POT1: variants seen among roughly 807,000 people sequenced by gnomAD.
POT1 encodes the protein protection of telomeres protein 1.
Under a neutral mutation model 78.5 loss-of-function variants are expected in POT1, and 47 were observed. The observed-to-expected ratio is 0.60, with a 90% CI of 0.47 to 0.76. The LOEUF is 0.76. POT1 is among the 30% of genes least tolerant of loss of function. POT1 has a pLI of 0.00. For synonymous variants in POT1, 259 were observed against 260.7 expected, an observed-to-expected ratio of 0.99 and a Z score of 0.06; for missense variants, 646 against 749.9, an observed-to-expected ratio of 0.86 and a Z score of 1.62.
chr7:124,913,024 A>C (rs1482444410), intron 3 of POT1, among the ~76,000 whole-genome samples: 4 of 152,222 alleles, frequency 2.6e-5, no homozygotes, highest in Non-Finnish European at 4.4e-5. Context: ...AGAGCAAGTC[A>C]CATCTCATGT....
chr7:124,855,728 TTAGAAA>T (rs1181099215), intron 9 of POT1, among the ~76,000 whole-genome samples: 3 of 151,978 alleles, frequency 2.0e-5, no homozygotes, highest in African/African-American at 7.2e-5. Flanking sequence ...GACTATCCCT[TTAGAAA>T]TAATCAAACG....
At chr7:124,846,057 A>G (rs746534530) in intron 12 of POT1, among the ~76,000 whole-genome samples, 2 of 152,088 alleles carry the variant, frequency 1.3e-5, no homozygotes, top group Non-Finnish European at 2.9e-5. Flanking sequence ...TTATTTATAA[A>G]CCAAGATCTG....
Position 124,840,969 on chromosome 7 carries a change from T to C in POT1, c.1369+4A>G. The C allele has an allele frequency of 6.3e-7, 1 of 1,583,762 alleles. No homozygotes were observed. Among genetic ancestry groups the C allele is most frequent in the Non-Finnish European group, 8.7e-7 (1 of 1,154,742 alleles). On this transcript the variant is annotated splice_donor_region_variant and intron_variant, in intron 14 of 18. Transcript: ENST00000357628. ...CTAACAAAACAGTGACTTAAATATCTTACCTTCTATCAAAAGTAGACATTC... is the reference window on the plus strand; with the variant it reads ...CTAACAAAACAGTGACTTAAATATCCTACCTTCTATCAAAAGTAGACATTC...
At chr7:124,866,161 T>C (rs1394244146) in intron 7 of POT1, among the ~76,000 whole-genome samples, 1 of 152,144 alleles carries the variant, frequency 6.6e-6, no homozygotes, top group Non-Finnish European at 1.5e-5. Flanking sequence ...CCCATGATGT[T>C]TCCCAAAGTC....
rs148835483 is a variant in POT1, at chr7:124,920,231, C to G, written c.-226-4585G>C. Among the ~76,000 whole-genome samples the G allele has an allele frequency of 9.9e-3, 1,499 of 151,940 alleles. 64 individuals are homozygous for G. The highest frequency in any genetic ancestry group is 0.08 in the Admixed American group (1,213 of 15,246). ...TGGGCAATGGATAAATAGGCTGCAA[C>G]AAAATTCTAATCACCAAAAGAAAGA... On this transcript the variant is annotated intron_variant, in intron 2 of 18. Coordinates refer to ENST00000357628, the MANE Select transcript of POT1 (RefSeq NM_015450.3).
At position 124,928,857 on chromosome 7, in the gene POT1, T is replaced by A. The variant is rs958507436; in HGVS notation, c.-269A>T. The A allele has an allele frequency of 1.3e-5, 2 of 152,616 alleles. No individual in the cohort carries two copies. Among genetic ancestry groups the A allele is most frequent in the East Asian group, 3.9e-4 (2 of 5,186 alleles). 9.5% of individuals were successfully genotyped at this position (152,616 alleles called of 1,614,324 possible). A position where few individuals can be genotyped will look rare whatever the true frequency, so the allele number is the denominator to read the frequency against. ...TATAATTGTAACCTGGCTGTAGGGA[T>A]CCGAAATCTACTTTATGTAATTTAC... On this transcript the variant is annotated 5_prime_UTR_variant, in exon 2 of 19. Coordinates refer to ENST00000357628, the MANE Select transcript of POT1 (RefSeq NM_015450.3).
chr7:124,905,024 C>G (rs1235311450), intron 3 of POT1, among the ~76,000 whole-genome samples: 1 of 152,174 alleles, frequency 6.6e-6, no homozygotes, highest in East Asian at 1.9e-4. Context: ...ACATTCCACG[C>G]TCATGGATAG....
chr7:124,878,365 A>G (rs1178653803), intron 6 of POT1, among the ~76,000 whole-genome samples: 2 of 152,066 alleles, frequency 1.3e-5, no homozygotes, highest in African/African-American at 4.8e-5. Context: ...AAGCTCACCA[A>G]AGGATATACA....
At chr7:124,851,004 G>C (rs1795293840) in intron 11 of POT1, among the ~76,000 whole-genome samples, 1 of 151,844 alleles carries the variant, frequency 6.6e-6, no homozygotes. Flanking sequence ...GGTGGCTCAA[G>C]CCTGTAATCC....
intron 11 of POT1, among the ~76,000 whole-genome samples, chr7:124,847,423 G>A (rs1384746815): frequency 6.6e-6 from 1 of 152,206 alleles, no homozygotes; most frequent in African/African-American, 2.4e-5. Flanking sequence ...GAACCCAGGA[G>A]GTGGAGGCTG....
chr7:124,925,512 T>C (rs1242056241), intron 2 of POT1, among the ~76,000 whole-genome samples: 1 of 152,106 alleles, frequency 6.6e-6, no homozygotes, highest in Non-Finnish European at 1.5e-5. Flanking sequence ...GAAGAATTAA[T>C]ATTATTAAAA....
intron 2 of POT1, among the ~76,000 whole-genome samples, chr7:124,924,473 T>C (rs1302467176): frequency 1.3e-5 from 2 of 151,286 alleles, no homozygotes; most frequent in South Asian, 2.1e-4. Context: ...AGCAAGACTG[T>C]ATCAGTAATA....
At chr7:124,869,635 T>C (rs1016783256) in intron 7 of POT1, among the ~76,000 whole-genome samples, 1 of 152,132 alleles carries the variant, frequency 6.6e-6, no homozygotes, top group South Asian at 2.1e-4. Context: ...CAGACTGGAG[T>C]GCAGTAGCAC....
chr7:124,866,539 C>G (rs1795730004), intron 7 of POT1, among the ~76,000 whole-genome samples: 1 of 152,166 alleles, frequency 6.6e-6, no homozygotes, highest in Non-Finnish European at 1.5e-5. Flanking sequence ...CCACCCCAAC[C>G]CTGGTGGACT....
chr7:124,897,032 G>GT (rs1184560161), intron 5 of POT1, 133 bp downstream of exon 5: 2 of 454,674 alleles, frequency 4.4e-6, no homozygotes, highest in Non-Finnish European at 7.8e-6. Flanking sequence ...TAAAGATTAT[G>GT]TTTTTCCAGT....
chr7:124,885,010 C>A (rs1212879594), intron 6 of POT1, among the ~76,000 whole-genome samples: 3 of 152,022 alleles, frequency 2.0e-5, no homozygotes, highest in African/African-American at 7.2e-5. Context: ...AAACTGCATA[C>A]CTAATACTAT....
At position 124,851,959 on chromosome 7, in the gene POT1, TGAAA is replaced by T. The variant is rs1795319371; in HGVS notation, c.870-12_870-9del. ...TTTGCAGATTCTAAATCCCTATAAT[TGAAA>T]GAATACAATTTCAAATTGCATAAAA... On this transcript the variant is annotated splice_polypyrimidine_tract_variant and intron_variant, in intron 10 of 18. Transcript: ENST00000357628. The T allele has an allele frequency of 6.3e-7, 1 of 1,575,234 alleles. No individual in the cohort carries two copies. Among genetic ancestry groups the T allele is most frequent in the Non-Finnish European group, 8.7e-7 (1 of 1,146,390 alleles).
At chr7:124,918,383 G>A (rs1438302762) in intron 2 of POT1, among the ~76,000 whole-genome samples, 1 of 152,154 alleles carries the variant, frequency 6.6e-6, no homozygotes, top group African/African-American at 2.4e-5. Context: ...GTTTTCAGGG[G>A]TAGCATGTGT....
At chr7:124,906,495 G>C (rs955078877) in intron 3 of POT1, among the ~76,000 whole-genome samples, 3 of 117,734 alleles carry the variant, frequency 2.5e-5, no homozygotes, top group African/African-American at 6.4e-5. Flanking sequence ...GTCGTAGGGT[G>C]GGGGGAGGGG....
Sources: gnomAD v4.1 joint callset for allele counts (sites outside exome capture counted in the v4.1 genomes callset) on GRCh38, gnomAD v4.1.1 for gene constraint, MANE v1.5 for transcripts, NCBI Gene and HGNC (gene_info 2026-07-23, HGNC 2026-07-21) for gene names.